The following CFAP20DC variants were observed in gnomAD, a reference collection of about 807,000 sequenced individuals.
CFAP20DC encodes the protein CFAP20 domain containing.
Under a neutral mutation model 101.7 loss-of-function variants are expected in CFAP20DC, and 84 were observed. That is an observed-to-expected ratio of 0.83 (90% CI 0.69 to 0.99). CFAP20DC has a LOEUF of 0.99. CFAP20DC is among the 50% of genes least tolerant of loss of function. The pLI is 0.00. For missense variants in CFAP20DC, 1,007 were observed against 970.3 expected (o/e 1.04, Z -0.50); for synonymous variants, 359 against 351.2 (o/e 1.02, Z -0.25).
At chr3:58,982,905 T>A (rs965824524) in intron 4 of CFAP20DC, among the ~76,000 whole-genome samples, 1 of 152,060 alleles carries the variant, frequency 6.6e-6, no homozygotes, top group African/African-American at 2.4e-5. Flanking sequence ...AGGAGGAGAT[T>A]GGAAGACAGG....
In CFAP20DC at chr3:58,912,621, C is replaced by G; in HGVS notation, c.550+1087G>C. On this transcript the variant is annotated intron_variant, in intron 6 of 16. Coordinates refer to ENST00000482387, the MANE Select transcript of CFAP20DC (RefSeq NM_001394063.1). The surrounding 1 kb of genome is among the most constrained non-coding windows in gnomAD (Gnocchi z 4.4). ...TGGACTTCTAGAAGAATTGATTTAA[C>G]AAATAATAATCCCAGATGAAAATCA... The G allele has an allele frequency of 2.4e-6, 1 of 418,686 alleles. No individual in the cohort carries two copies. Among genetic ancestry groups the G allele is most frequent in the Non-Finnish European group, 4.7e-6 (1 of 212,420 alleles). 25.9% of individuals were successfully genotyped at this position (418,686 alleles called of 1,614,324 possible). A position where few individuals can be genotyped will look rare whatever the true frequency, so the allele number is the denominator to read the frequency against.
At chr3:58,822,260 C>G (rs936077352) in intron 14 of CFAP20DC, among the ~76,000 whole-genome samples, 13 of 149,124 alleles carry the variant, frequency 8.7e-5, no homozygotes, top group South Asian at 2.1e-4. Context: ...CTAACCTGCA[C>G]AATGTGCACA....
chr3:59,023,665 C>T (rs1365206825), intron 4 of CFAP20DC, among the ~76,000 whole-genome samples: 1 of 152,070 alleles, frequency 6.6e-6, no homozygotes, highest in Non-Finnish European at 1.5e-5. Flanking sequence ...GCAGCTTGGG[C>T]TGCAGGAAAT....
At chr3:58,834,810 A>C (rs2076627683) in intron 13 of CFAP20DC, among the ~76,000 whole-genome samples, 1 of 152,206 alleles carries the variant, frequency 6.6e-6, no homozygotes. Context: ...CCTTTAATGG[A>C]AAATTTTTGA....
Position 58,878,836 on chromosome 3 carries a change from A to G in CFAP20DC, c.715+5709T>C, listed in dbSNP as rs546383836. On this transcript the variant is annotated intron_variant, in intron 7 of 16. Coordinates refer to ENST00000482387, the MANE Select transcript of CFAP20DC (RefSeq NM_001394063.1). ...ACCATCCTGTGAATGGTGAAACTCC[A>G]TCTCTACTAAAAATACAAAAAATTA... Among the ~76,000 whole-genome samples the G allele has an allele frequency of 5.8e-4, 89 of 152,164 alleles. 1 individual carries two copies. The highest frequency in any genetic ancestry group is 2.1e-3 in the African/African-American group (89 of 41,532).
Position 59,034,833 on chromosome 3 carries a change from A to T in CFAP20DC, c.278+4724T>A, listed in dbSNP as rs565609748. On this transcript the variant is annotated intron_variant, in intron 4 of 16. Coordinates refer to ENST00000482387, the MANE Select transcript of CFAP20DC (RefSeq NM_001394063.1). Reference sequence around the variant, plus strand: ...ATTTAGGACTTGAACTCAGCTCTGGACCAACCAGAACTAATAGACATCTAC... The same window carrying T: ...ATTTAGGACTTGAACTCAGCTCTGGTCCAACCAGAACTAATAGACATCTAC... 3.9e-5 allele frequency among the ~76,000 whole-genome samples: 6 copies of T among 152,308 alleles called. No individual in the cohort carries two copies. The East Asian group carries it at 1.2e-3, about 29-fold the overall frequency.
intron 4 of CFAP20DC, among the ~76,000 whole-genome samples, chr3:58,991,826 C>A (rs951128916): frequency 1.3e-5 from 2 of 152,144 alleles, no homozygotes; most frequent in Non-Finnish European, 2.9e-5. Flanking sequence ...TAACAGGTCA[C>A]CTACAGGTAC....
intron 16 of CFAP20DC, among the ~76,000 whole-genome samples, chr3:58,744,005 G>C (rs10510796): frequency 6.6e-6 from 1 of 152,220 alleles, no homozygotes; most frequent in African/African-American, 2.4e-5. Context: ...ACTATGCAGA[G>C]AAACAGGTGA....
In CFAP20DC at chr3:58,874,543, G is replaced by A. The variant is rs905848902; in HGVS notation, c.716-4234C>T. 3.3e-5 allele frequency among the ~76,000 whole-genome samples: 5 copies of A among 151,984 alleles called. No individual in the cohort carries two copies. The highest frequency in any genetic ancestry group is 5.9e-5 in the Non-Finnish European group (4 of 68,006). On this transcript the variant is annotated intron_variant, in intron 7 of 16. Coordinates refer to ENST00000482387, the MANE Select transcript of CFAP20DC (RefSeq NM_001394063.1). This position sits in a 1 kb window ranked among gnomAD's most constrained non-coding sequence, Gnocchi z 5.1. ...CATGTCTGAGTATCTTACACCTCTC[G>A]TTTTCTGCCCTCTCGGTAGACGGGC...
chr3:58,727,769 C>G (rs2067577052), intron 3 of CFAP20DC: 1 of 152,186 alleles, frequency 6.6e-6, no homozygotes, highest in South Asian at 2.1e-4. Flanking sequence ...GTGCGTTGCT[C>G]TCTCTTGACT....
intron 5 of CFAP20DC, among the ~76,000 whole-genome samples, chr3:58,917,410 A>G (rs1321283143): frequency 6.6e-6 from 1 of 152,170 alleles, no homozygotes; most frequent in East Asian, 1.9e-4. Context: ...GAAATTAGTT[A>G]CATTTGTTAG....
chr3:58,781,472 A>C (rs1225199887), intron 15 of CFAP20DC, among the ~76,000 whole-genome samples: 19 of 151,992 alleles, frequency 1.3e-4, no homozygotes, highest in Non-Finnish European at 1.6e-4. Context: ...AATGAACTGG[A>C]TGCTAAAAAA....
chr3:58,953,314 T>C (rs1396033070), intron 4 of CFAP20DC, among the ~76,000 whole-genome samples: 2 of 152,180 alleles, frequency 1.3e-5, no homozygotes, highest in African/African-American at 4.8e-5. Context: ...CAAAACTCAA[T>C]AGGAATCAAA....
Position 58,721,496 on chromosome 3 carries a change from GC to G in CFAP20DC, c.198-3869del, listed in dbSNP as rs2107048363. The stretch of plus-strand genomic sequence containing the variant: ...TTTTCCACAAAGAAGCGATATTTAA[GC>G]TGAGATCTGAAGGATACGGGGGCAT... On this transcript the variant is annotated intron_variant, in intron 3 of 3. Transcript: ENST00000486145. This position sits in a 1 kb window ranked among gnomAD's most constrained non-coding sequence, Gnocchi z 5.2. Among the ~76,000 whole-genome samples the G allele has an allele frequency of 6.6e-6, 1 of 152,276 alleles. No individual in the cohort carries two copies. The highest frequency in any genetic ancestry group is 1.9e-4 in the East Asian group (1 of 5,186).
intron 5 of CFAP20DC, among the ~76,000 whole-genome samples, chr3:58,927,863 A>T (rs1021651128): frequency 6.6e-6 from 1 of 152,138 alleles, no homozygotes; most frequent in African/African-American, 2.4e-5. Flanking sequence ...GCTTTAATTA[A>T]ATAAGGGCTC....
chr3:58,937,647 CA>C lies in CFAP20DC; in HGVS notation c.393del (p.Trp132GlyfsTer8). 1 of 1,561,028 alleles carries C rather than the reference CA, an allele frequency of 6.4e-7. No individual in the cohort carries two copies. The highest frequency in any genetic ancestry group is 1.1e-5 in the South Asian group (1 of 89,854). The stretch of plus-strand genomic sequence containing the variant: ...TTAGGCAACATTCATGTGATACTTA[CA>C]ATTTTACGTTTGATCATGAAGAGTG... Reference protein sequence around the residue: ...KIPLFMIKRKIWCNLCIDLVA... With the variant: ...KIPLFMIKRKXWCNLCIDLVA... On this transcript the variant is annotated frameshift_variant and splice_region_variant, in exon 5 of 17. Transcript: ENST00000482387. LOFTEE classifies it high-confidence loss of function.
rs984870160 is a variant in CFAP20DC at position 58,861,400 on chromosome 3, C to G, written c.1593+2158G>C. The G allele has an allele frequency of 6.7e-5, 53 of 795,004 alleles. No homozygotes were observed. The highest frequency in any genetic ancestry group is 7.8e-5 in the Non-Finnish European group (51 of 656,792). 49.2% of individuals were successfully genotyped at this position (795,004 alleles called of 1,614,324 possible). On this transcript the variant is annotated intron_variant, in intron 12 of 16. Transcript: ENST00000482387. This position sits in a 1 kb window ranked among gnomAD's most constrained non-coding sequence, Gnocchi z 4.0. ...ATAATGCAATTAATAGTAAGGATGCCTTAATTAACTAAACTGATTTTTCTT... is the reference window on the plus strand; with the variant it reads ...ATAATGCAATTAATAGTAAGGATGCGTTAATTAACTAAACTGATTTTTCTT...
chr3:58,807,998 A>T (rs1316579446), intron 14 of CFAP20DC, among the ~76,000 whole-genome samples: 2 of 152,318 alleles, frequency 1.3e-5, no homozygotes, highest in East Asian at 1.9e-4. Context: ...ATGAAGTGAG[A>T]TGGGAAGTTT....
chr3:58,768,759 T>C (rs1575594615), intron 15 of CFAP20DC, among the ~76,000 whole-genome samples: 2 of 152,184 alleles, frequency 1.3e-5, no homozygotes, highest in African/African-American at 2.4e-5. Flanking sequence ...CACACTCCCC[T>C]CAGGCTTCAC....
Sources: allele counts gnomAD v4.1 joint callset (sites outside exome capture counted in the v4.1 genomes callset), GRCh38; gene constraint gnomAD v4.1.1; non-coding constraint Gnocchi (gnomAD v3.1); transcripts MANE v1.5; gene names NCBI Gene and HGNC (gene_info 2026-07-23, HGNC 2026-07-21).